Variants in MRPS9 observed in about 807,000 individuals in gnomAD.
MRPS9 encodes the protein mitochondrial ribosomal protein S9.
A neutral mutation model predicts 59.9 loss-of-function variants in MRPS9; 45 were observed. The ratio of observed to expected loss-of-function variants is 0.75; its 90% CI spans 0.59 to 0.96. The LOEUF (loss-of-function observed/expected upper bound fraction) is 0.96, where lower values mean the gene tolerates loss of function less well. Among genes scored for constraint, MRPS9 ranks in the 40% least tolerant of loss-of-function variants. The pLI is 0.00. For missense variants in MRPS9, 473 were observed against 481.1 expected, an observed-to-expected ratio of 0.98 and a Z score of 0.16; for synonymous variants, 171 against 166.8, an observed-to-expected ratio of 1.03 and a Z score of -0.19.
chr2:105,065,413 A>T (rs745961799), intron 2 of MRPS9, among the ~76,000 whole-genome samples: 1 of 152,200 alleles, frequency 6.6e-6, no homozygotes, highest in Non-Finnish European at 1.5e-5. Flanking sequence ...TCATGAATGC[A>T]TGCTATTTTA....
chr2:105,046,681 C>T (rs557540895), intron 1 of MRPS9, among the ~76,000 whole-genome samples: 1 of 152,120 alleles, frequency 6.6e-6, no homozygotes, highest in Non-Finnish European at 1.5e-5. Context: ...TTCCTGAGGG[C>T]TGTGGTTGGT....
At chr2:105,072,510 A>C (rs1241174346) in intron 4 of MRPS9, among the ~76,000 whole-genome samples, 1 of 152,098 alleles carries the variant, frequency 6.6e-6, no homozygotes, top group Non-Finnish European at 1.5e-5. Context: ...TTATTTATGT[A>C]ATACTTAATT....
At chr2:105,076,811 A>G (rs754262693) in intron 4 of MRPS9, among the ~76,000 whole-genome samples, 1 of 152,278 alleles carries the variant, frequency 6.6e-6, no homozygotes, top group African/African-American at 2.4e-5. Context: ...AATTTGAAAC[A>G]TGCCAGAGGC....
intron 2 of MRPS9, among the ~76,000 whole-genome samples, chr2:105,062,311 T>C (rs1182886205): frequency 6.6e-6 from 1 of 152,232 alleles, no homozygotes; most frequent in Admixed American, 6.5e-5. Context: ...TAGGCTATCA[T>C]GCTTAGTAGC....
Position 105,089,926 on chromosome 2 carries a change from G to T in MRPS9, c.582G>T (p.Val194=), listed in dbSNP as rs764916544. ...LLPEKTVTRD[V]IGSRWLIKEE... The stretch of plus-strand genomic sequence containing the variant: ...ATATGTGATATTTTAACAGAGACGT[G>T]ATTGGCAGCAGATGGCTGATTAAGG... Residue 194 remains valine, a synonymous_variant, in exon 7 of 11, where the codon GTG becomes GTT. Transcript: ENST00000258455. 1.2e-6 allele frequency: 2 copies of T among 1,607,660 alleles called. No individual in the cohort carries two copies. The highest frequency in any genetic ancestry group is 2.2e-5 in the East Asian group (1 of 44,736).
At chr2:105,097,779 C>G (rs975272748) in intron 10 of MRPS9, among the ~76,000 whole-genome samples, 1 of 152,226 alleles carries the variant, frequency 6.6e-6, no homozygotes, top group Non-Finnish European at 1.5e-5. Context: ...TAGCTAGCTG[C>G]AGCCTTAAAC....
At chr2:105,095,996 A>G (rs962371726) in intron 9 of MRPS9, among the ~76,000 whole-genome samples, 5 of 152,136 alleles carry the variant, frequency 3.3e-5, no homozygotes, top group Admixed American at 3.3e-4. Context: ...ATTAATAGAT[A>G]CTACTTATAA....
rs574946067 is a variant in MRPS9 at position 105,058,973 on chromosome 2, C to T, written c.315+9623C>T. Among the ~76,000 whole-genome samples the T allele has an allele frequency of 7.3e-4, 111 of 152,050 alleles. No individual in the cohort carries two copies. In the South Asian group the frequency reaches 9.8e-3, roughly 13 times the overall value. On this transcript the variant is annotated intron_variant, in intron 2 of 10. Coordinates refer to ENST00000258455, the MANE Select transcript of MRPS9 (RefSeq NM_182640.3). ...GATTACAGGCGTGAGCCACTGCGCC[C>T]GGCAGTTTAATGAGTTTCTAAAGAG...
At position 105,077,421 on chromosome 2, in the gene MRPS9, G is replaced by A. The variant is rs760267916; in HGVS notation, c.410-2562G>A. On this transcript the variant is annotated intron_variant, in intron 4 of 10. Coordinates refer to ENST00000258455, the MANE Select transcript of MRPS9 (RefSeq NM_182640.3). ...CATGCTGTGGAATAATATACAGGCCGTAAAAAGAGTGAGATAGAGCTAGTT... is the reference window on the plus strand; with the variant it reads ...CATGCTGTGGAATAATATACAGGCCATAAAAAGAGTGAGATAGAGCTAGTT... Among the ~76,000 whole-genome samples the A allele has an allele frequency of 4.5e-4, 68 of 152,244 alleles. 1 individual carries two copies. The highest frequency in any genetic ancestry group is 3.5e-3 in the South Asian group (17 of 4,818).
At chr2:105,058,495 A>C (rs1679833726) in intron 2 of MRPS9, among the ~76,000 whole-genome samples, 1 of 152,204 alleles carries the variant, frequency 6.6e-6, no homozygotes, top group African/African-American at 2.4e-5. Context: ...GTTGAATATC[A>C]GTATTCTAGT....
intron 7 of MRPS9, among the ~76,000 whole-genome samples, chr2:105,090,957 G>T (rs1315718229): frequency 6.6e-6 from 1 of 152,280 alleles, no homozygotes; most frequent in African/African-American, 2.4e-5. Context: ...GGTAGATCCA[G>T]AGTTAATTTC....
At chr2:105,047,589 G>A (rs1239047454) in intron 1 of MRPS9, among the ~76,000 whole-genome samples, 1 of 151,930 alleles carries the variant, frequency 6.6e-6, no homozygotes, top group Non-Finnish European at 1.5e-5. Flanking sequence ...TGGTTTTAAG[G>A]CCTGAATATT....
At chr2:105,073,595 G>A (rs939126409) in intron 4 of MRPS9, among the ~76,000 whole-genome samples, 19 of 152,082 alleles carry the variant, frequency 1.2e-4, no homozygotes, top group African/African-American at 3.9e-4. Flanking sequence ...ATTAAAAGAT[G>A]GAAGCTTCTA....
At chr2:105,079,150 A>G (rs956243289) in intron 4 of MRPS9, among the ~76,000 whole-genome samples, 2 of 152,248 alleles carry the variant, frequency 1.3e-5, no homozygotes, top group Non-Finnish European at 2.9e-5. Context: ...GACTATTTAC[A>G]TATTTTAAAC....
In MRPS9 at chr2:105,079,354, G is replaced by A. The variant is rs191145953; in HGVS notation, c.410-629G>A. Among the ~76,000 whole-genome samples, 514 of 152,172 alleles carry A rather than the reference G, an allele frequency of 3.4e-3. 5 individuals carry two copies. The highest frequency in any genetic ancestry group is 0.011 in the African/African-American group (471 of 41,534). On this transcript the variant is annotated intron_variant, in intron 4 of 10. Transcript: ENST00000258455. ...CGCAAAGGACACAGAGTTAGCATTC[G>A]TCTTGTTTCTTAGACTAACACCACT...
intron 2 of MRPS9, among the ~76,000 whole-genome samples, chr2:105,054,205 T>C (rs1013702113): frequency 1.3e-5 from 2 of 152,192 alleles, no homozygotes; most frequent in African/African-American, 4.8e-5. Flanking sequence ...CTAAAAGGCA[T>C]GAGATTAATG....
intron 1 of MRPS9, among the ~76,000 whole-genome samples, chr2:105,042,137 GT>G (rs1679512756): frequency 6.6e-6 from 1 of 152,214 alleles, no homozygotes; most frequent in Non-Finnish European, 1.5e-5. Flanking sequence ...GTGGGTCAGG[GT>G]TCTCCAGGCA....
At chr2:105,064,059 T>C (rs1316242314) in intron 2 of MRPS9, among the ~76,000 whole-genome samples, 1 of 152,156 alleles carries the variant, frequency 6.6e-6, no homozygotes, top group Non-Finnish European at 1.5e-5. Flanking sequence ...CTAAAGCAAT[T>C]GACAAATAGT....
intron 5 of MRPS9, among the ~76,000 whole-genome samples, chr2:105,087,021 C>T (rs1355737561): frequency 1.3e-5 from 2 of 152,042 alleles, no homozygotes; most frequent in Admixed American, 1.3e-4. Flanking sequence ...ATTTGAAGTC[C>T]CAACTCAGTA....
Sources: gnomAD v4.1 joint callset for allele counts (sites outside exome capture counted in the v4.1 genomes callset) on GRCh38, gnomAD v4.1.1 for gene constraint, MANE v1.5 for transcripts, NCBI Gene and HGNC (gene_info 2026-07-23, HGNC 2026-07-21) for gene names.